The following PNPLA8 variants were observed in gnomAD, a reference collection of about 807,000 sequenced individuals.
PNPLA8 encodes the protein calcium-independent phospholipase A2-gamma.
A neutral mutation model predicts 76.9 loss-of-function variants in PNPLA8; 39 were observed. The observed-to-expected ratio is 0.51, with a 90% confidence interval of 0.39 to 0.66. The LOEUF (loss-of-function observed/expected upper bound fraction) is 0.66, where lower values mean the gene tolerates loss of function less well. Ranked by LOEUF, PNPLA8 falls within the 30% of genes least tolerant of loss-of-function variation. PNPLA8 has a pLI of 0.00. For synonymous variants in PNPLA8, 301 were observed against 307.9 expected (o/e 0.98, Z 0.24); for missense variants, 887 against 918.0 (o/e 0.97, Z 0.44).
chr7:108,507,769 C>T (rs999274954), intron 4 of PNPLA8, among the ~76,000 whole-genome samples: 9 of 151,970 alleles, frequency 5.9e-5, no homozygotes, highest in East Asian at 1.9e-4. Context: ...CTTTGAAAAC[C>T]GGTAACTAAA....
At chr7:108,520,212 C>T (rs938644768) in intron 2 of PNPLA8, among the ~76,000 whole-genome samples, 3 of 152,180 alleles carry the variant, frequency 2.0e-5, no homozygotes, top group African/African-American at 7.2e-5. Context: ...AATTTTCCCT[C>T]GATCCCTACA....
At chr7:108,527,137 A>G (rs1389516064), upstream of PNPLA8, among the ~76,000 whole-genome samples, 1 of 152,188 alleles carries the variant, frequency 6.6e-6, no homozygotes, top group African/African-American at 2.4e-5. Flanking sequence ...CAAGACTTAT[A>G]CTGTACTCTC....
chr7:108,505,200 G>A (rs1311392221), intron 4 of PNPLA8, among the ~76,000 whole-genome samples: 2 of 146,898 alleles, frequency 1.4e-5, no homozygotes, highest in Non-Finnish European at 3.0e-5. Context: ...TTAAAAGTCA[G>A]GACTTCTGAC....
In PNPLA8 at chr7:108,472,103, A is replaced by G; in HGVS notation, c.*298T>C. 1 of 199,382 alleles carries G rather than the reference A, an allele frequency of 5.0e-6. No homozygotes were observed. The highest frequency in any genetic ancestry group is 1.0e-5 in the Non-Finnish European group (1 of 99,682). The allele number at this position is 199,382 out of a possible 1,614,324, so 12.4% of individuals were successfully genotyped here. A position where few individuals can be genotyped will look rare whatever the true frequency, so the allele number is the denominator to read the frequency against. ...CGGTTTCTTGTTCGGCACATATATT[A>G]ATATATTTTCAAACATCAAACAATA... On this transcript the variant is annotated 3_prime_UTR_variant, in exon 11 of 11. Transcript: ENST00000257694.
At chr7:108,510,822 G>T in intron 4 of PNPLA8, 2 of 1,600,280 alleles carry the variant, frequency 1.2e-6, no homozygotes, top group Non-Finnish European at 1.7e-6. Flanking sequence ...TATACTGTTG[G>T]AAAACGCTTC....
chr7:108,472,897 T>C (rs374899282), intron 10 of PNPLA8, among the ~76,000 whole-genome samples: 12 of 152,194 alleles, frequency 7.9e-5, no homozygotes, highest in African/African-American at 2.4e-4. Flanking sequence ...GTGAAATTAG[T>C]ATACTTCTTC....
chr7:108,515,098 T>G lies in PNPLA8; in HGVS notation c.394A>C (p.Ser132Arg), dbSNP rs1258353397. Reference sequence around the variant, plus strand: ...GATACTTTTCTTAAAATTTGGGAACTTGGCTTAAATTGAGCTAAACGTGAA... The same window carrying G: ...GATACTTTTCTTAAAATTTGGGAACGTGGCTTAAATTGAGCTAAACGTGAA... ...MISRLAQFKP[S>R]SQILRKVSDS... Residue 132 changes from serine (S) to arginine (R), a missense_variant, in exon 3 of 11, where the codon AGT becomes CGT. Transcript: ENST00000257694. 6.2e-7 allele frequency: 1 copy of G among 1,605,770 alleles called. No homozygotes were observed.
chr7:108,498,578 T>C (rs1421602507), intron 5 of PNPLA8, among the ~76,000 whole-genome samples: 1 of 151,942 alleles, frequency 6.6e-6, no homozygotes, highest in Admixed American at 6.6e-5. Context: ...CGGCCACCAG[T>C]CAGATTTTTA....
At chr7:108,515,876 A>T (rs750347974) in intron 2 of PNPLA8, among the ~76,000 whole-genome samples, 31 of 152,236 alleles carry the variant, frequency 2.0e-4, no homozygotes, top group Non-Finnish European at 3.5e-4. Context: ...TGCAATTTAG[A>T]TACTATGCTT....
Position 108,479,355 on chromosome 7 carries a change from G to C in PNPLA8, c.1903C>G (p.Pro635Ala), listed in dbSNP as rs1227185637. 1.9e-6 allele frequency: 3 copies of C among 1,611,336 alleles called. No homozygotes were observed. The highest frequency in any genetic ancestry group is 1.7e-5 in the Admixed American group (1 of 59,590). Residue 635 changes from proline to alanine, a missense_variant, in exon 10 of 11, where the codon CCT becomes GCT. Coordinates refer to ENST00000257694, the MANE Select transcript of PNPLA8 (RefSeq NM_001256007.3). ...HQDGGLLLNN[P>A]SALAMHECKC... Reference sequence around the variant, plus strand: ...CACTCATGCATAGCTAATGCCGAAGGGTTATTCAGAAGCAAACCTCCATCC... The same window carrying C: ...CACTCATGCATAGCTAATGCCGAAGCGTTATTCAGAAGCAAACCTCCATCC...
At chr7:108,474,277 T>G (rs932168089) in intron 10 of PNPLA8, among the ~76,000 whole-genome samples, 5 of 152,188 alleles carry the variant, frequency 3.3e-5, no homozygotes, top group African/African-American at 9.6e-5. Context: ...TTCTTCTATA[T>G]GTTTTATAGT....
At chr7:108,493,811 C>T (rs920229554) in intron 7 of PNPLA8, among the ~76,000 whole-genome samples, 10 of 151,196 alleles carry the variant, frequency 6.6e-5, no homozygotes, top group African/African-American at 2.2e-4. Flanking sequence ...ATAAAAGTAG[C>T]CTAAGATTAA....
intron 10 of PNPLA8, among the ~76,000 whole-genome samples, chr7:108,476,020 C>T (rs891965908): frequency 6.6e-6 from 1 of 152,166 alleles, no homozygotes; most frequent in African/African-American, 2.4e-5. Context: ...TATAAGCTGT[C>T]TACACCAATC....
At chr7:108,499,384 G>A (rs1183332118) in intron 5 of PNPLA8, among the ~76,000 whole-genome samples, 1 of 152,176 alleles carries the variant, frequency 6.6e-6, no homozygotes, top group African/African-American at 2.4e-5. Context: ...ACAGCTGTCT[G>A]TGTCTACCAC....
At chr7:108,510,691 C>A in intron 4 of PNPLA8, 1 of 1,599,472 alleles carries the variant, frequency 6.3e-7, no homozygotes, top group South Asian at 1.1e-5. Flanking sequence ...ATGAACTAAT[C>A]TACAAGAGTG....
chr7:108,474,286 G>A (rs1859825545), intron 10 of PNPLA8, among the ~76,000 whole-genome samples: 1 of 151,968 alleles, frequency 6.6e-6, no homozygotes, highest in South Asian at 2.1e-4. Flanking sequence ...ATGTTTTATA[G>A]TTTCAGCTCT....
intron 3 of PNPLA8, 25 bp from the exon 4 acceptor site, chr7:108,514,318 T>C (rs780520074): frequency 3.8e-6 from 6 of 1,584,410 alleles, no homozygotes; most frequent in Non-Finnish European, 4.3e-6. Flanking sequence ...TAAATAGATA[T>C]GATTAGAATA....
chr7:108,491,319 A>G, intron 8 of PNPLA8, 91 bp downstream of exon 8: 1 of 789,476 alleles, frequency 1.3e-6, no homozygotes, highest in Non-Finnish European at 2.2e-6. Context: ...AAAAATAAAA[A>G]TAAAATAAAA....
chr7:108,500,864 A>G (rs1418128072), intron 5 of PNPLA8, among the ~76,000 whole-genome samples: 1 of 152,096 alleles, frequency 6.6e-6, no homozygotes, highest in African/African-American at 2.4e-5. Flanking sequence ...CAGTGAGCCG[A>G]GATCACGTCA....
Sources: gnomAD v4.1 joint callset for allele counts (sites outside exome capture counted in the v4.1 genomes callset) on GRCh38, gnomAD v4.1.1 for gene constraint, MANE v1.5 for transcripts, NCBI Gene and HGNC (gene_info 2026-07-23, HGNC 2026-07-21) for gene names.